MIDEAS: variants seen among roughly 807,000 people sequenced by gnomAD.
MIDEAS encodes the protein mitotic deacetylase-associated SANT domain protein.
A neutral mutation model predicts 102.7 loss-of-function variants in MIDEAS; 26 were observed. The observed-to-expected ratio is 0.25, with a 90% CI of 0.19 to 0.35. MIDEAS has a LOEUF of 0.35. MIDEAS is among the 10% of genes least tolerant of loss of function. MIDEAS has a pLI of 1.00. For synonymous variants in MIDEAS, 585 were observed against 591.0 expected, an observed-to-expected ratio of 0.99 and a Z score of 0.15; for missense variants, 1,231 against 1,435.6, an observed-to-expected ratio of 0.86 and a Z score of 2.30.
rs764287524 is a variant in MIDEAS, at chr14:73,719,448, G to A, written c.2991C>T (p.Ala997=). ...TTGGCTTCTCCGAGGCCTGGCCACC[G>A]GCAGACCCAGGGGCGTTGGACTCGT... ...RSHESNAPGS[A]GGQASEKPRE... Residue 997 remains alanine, a synonymous_variant, in exon 12 of 13, where the codon GCC becomes GCT. Coordinates refer to ENST00000423556, the MANE Select transcript of MIDEAS (RefSeq NM_001367710.1). 5 of 1,614,016 alleles carry A rather than the reference G, an allele frequency of 3.1e-6. No individual in the cohort carries two copies. The highest frequency in any genetic ancestry group is 1.7e-5 in the Admixed American group (1 of 60,008).
chr14:73,737,483 G>A (rs2053217908), intron 2 of MIDEAS, among the ~76,000 whole-genome samples, 186 bp from the exon 3 acceptor site: 1 of 152,094 alleles, frequency 6.6e-6, no homozygotes, highest in Admixed American at 6.6e-5. Flanking sequence ...AAAATTAGCT[G>A]GGCATGGTGG....
At chr14:73,789,465 C>T (rs537795521), upstream of MIDEAS, among the ~76,000 whole-genome samples, 26 of 152,300 alleles carry the variant, frequency 1.7e-4, 1 homozygote, top group South Asian at 4.1e-4. Flanking sequence ...GGGCCTCCCT[C>T]GGGCCCTTCA....
chr14:73,745,888 G>A (rs1244051430), intron 1 of MIDEAS, among the ~76,000 whole-genome samples: 2 of 152,162 alleles, frequency 1.3e-5, no homozygotes, highest in East Asian at 1.9e-4. Flanking sequence ...CCCTATGGTC[G>A]GCCCATTCCC....
rs140289130 is a variant in MIDEAS, at chr14:73,773,793, C to T, written c.-248+13309G>A. Among the ~76,000 whole-genome samples, 475 of 151,780 alleles carry T rather than the reference C, an allele frequency of 3.1e-3. 6 individuals are homozygous for T. Among genetic ancestry groups the T allele is most frequent in the African/African-American group, 0.011 (457 of 41,468 alleles). ...ATCTCAGCACTTTGGGAGGCTGAGGCGGGTGGATCACTTGAGGTCACGAGT... is the reference window on the plus strand; with the variant it reads ...ATCTCAGCACTTTGGGAGGCTGAGGTGGGTGGATCACTTGAGGTCACGAGT... On this transcript the variant is annotated intron_variant, in intron 1 of 11. Transcript: ENST00000394071.
At chr14:73,790,208 CT>C (rs1415571177), upstream of MIDEAS, 1 of 152,220 alleles carries the variant, frequency 6.6e-6, no homozygotes, top group Non-Finnish European at 1.5e-5. Context: ...AAATTATTTA[CT>C]TTTAAAATAT....
In MIDEAS at chr14:73,727,538, A is replaced by G. The variant is rs768822289; in HGVS notation, c.2096-14T>C. 8.1e-6 allele frequency: 13 copies of G among 1,596,630 alleles called. No homozygotes were observed. Among genetic ancestry groups the G allele is most frequent in the Admixed American group, 1.7e-5 (1 of 57,372 alleles). ...CTTCAGCACTGTCTATGGGACAAAGAGCAGGTTGATAAATAGCACCCCCCT... is the reference window on the plus strand; with the variant it reads ...CTTCAGCACTGTCTATGGGACAAAGGGCAGGTTGATAAATAGCACCCCCCT... On this transcript the variant is annotated splice_polypyrimidine_tract_variant and intron_variant, in intron 4 of 12. Transcript: ENST00000423556.
chr14:73,757,279 C>CAAAA (rs370387448), intron 1 of MIDEAS, among the ~76,000 whole-genome samples: 4 of 67,722 alleles, frequency 5.9e-5, no homozygotes, highest in Admixed American at 2.0e-4. Flanking sequence ...CTCTAACAAC[C>CAAAA]AAAAAAAAAA....
chr14:73,750,808 C>A (rs1403597715), intron 1 of MIDEAS, among the ~76,000 whole-genome samples: 3 of 152,226 alleles, frequency 2.0e-5, no homozygotes, highest in African/African-American at 7.2e-5. Context: ...ACTCCAATAA[C>A]AATGCTTCAT....
chr14:73,727,772 A>C (rs1595256918), intron 4 of MIDEAS: 1 of 480,364 alleles, frequency 2.1e-6, no homozygotes, highest in East Asian at 3.8e-5. Flanking sequence ...TCCTACGGTT[A>C]ATGTGAGAAC....
At chr14:73,726,492 C>G in intron 7 of MIDEAS, 112 bp downstream of exon 7, 1 of 1,039,214 alleles carries the variant, frequency 9.6e-7, no homozygotes, top group Non-Finnish European at 1.4e-6. Flanking sequence ...TAGTCAGACC[C>G]TCCTACTGGC....
At position 73,746,185 on chromosome 14, in the gene MIDEAS, C is replaced by T. The variant is rs141711920; in HGVS notation, c.-247-5930G>A. ...AGTCTTCTACCTTGATTGCCTCCCTCCCCCATAGCCCCACAAATGCCCACA... is the reference window on the plus strand; with the variant it reads ...AGTCTTCTACCTTGATTGCCTCCCTTCCCCATAGCCCCACAAATGCCCACA... On this transcript the variant is annotated intron_variant, in intron 1 of 12. Coordinates refer to ENST00000423556, the MANE Select transcript of MIDEAS (RefSeq NM_001367710.1). 1.7e-3 allele frequency among the ~76,000 whole-genome samples: 260 copies of T among 152,358 alleles called. 2 individuals are homozygous for T. Among genetic ancestry groups the T allele is most frequent in the Middle Eastern group, 6.8e-3 (2 of 294 alleles).
intron 1 of MIDEAS, among the ~76,000 whole-genome samples, chr14:73,769,080 A>G (rs1012931834): frequency 2.0e-5 from 3 of 152,160 alleles, no homozygotes; most frequent in Non-Finnish European, 4.4e-5. Context: ...TGCCCCCTCC[A>G]GCTCTAACAG....
Position 73,721,374 on chromosome 14 carries a change from C to G in MIDEAS, c.2860G>C (p.Glu954Gln). The change falls in exon 11 of 13, where the codon GAG (glutamate) becomes CAG (glutamine). Residue 954 changes from glutamate to glutamine, a missense_variant. Physicochemically the swap from Glu to Gln is conservative, Grantham distance 29 (BLOSUM62 2). This residue lies in a region of MIDEAS where 391 missense variants were observed against 483.0 expected (regional missense o/e 0.81). Coordinates refer to ENST00000423556, the MANE Select transcript of MIDEAS (RefSeq NM_001367710.1). ...CTGCGCTCTCGCCCCTCTTCCTGCT[C>G]CTCCTTCTCTTGGATCTCTGGCACC... ...EEVPEIQEKE[E>Q]QEEGRERSRR... The G allele has an allele frequency of 6.2e-7, 1 of 1,614,074 alleles. No homozygotes were observed. Among genetic ancestry groups the G allele is most frequent in the Non-Finnish European group, 8.5e-7 (1 of 1,179,962 alleles).
intron 1 of MIDEAS, among the ~76,000 whole-genome samples, chr14:73,745,432 C>A (rs990472285): frequency 5.9e-5 from 9 of 152,216 alleles, no homozygotes; most frequent in Admixed American, 5.2e-4. Flanking sequence ...TACCTCATGC[C>A]CTGACATGGC....
intron 1 of MIDEAS, among the ~76,000 whole-genome samples, chr14:73,769,891 T>A (rs897830262): frequency 6.8e-6 from 1 of 147,260 alleles, no homozygotes; most frequent in African/African-American, 2.5e-5. Context: ...TGAGCCACCG[T>A]GCCCGGCTGG....
At chr14:73,738,268 C>T (rs1317161112) in intron 2 of MIDEAS, among the ~76,000 whole-genome samples, 1 of 152,042 alleles carries the variant, frequency 6.6e-6, no homozygotes, top group East Asian at 1.9e-4. Flanking sequence ...TGGTGGCAGG[C>T]GCCTGTAATC....
intron 1 of MIDEAS, among the ~76,000 whole-genome samples, chr14:73,784,100 A>G (rs78078433): frequency 0.02 from 3,086 of 152,108 alleles, 102 homozygotes; most frequent in African/African-American, 0.071. Context: ...TACCTCCAAT[A>G]TTTTTTCCTC....
chr14:73,755,495 C>T (rs977186283), intron 1 of MIDEAS, among the ~76,000 whole-genome samples: 1 of 152,232 alleles, frequency 6.6e-6, no homozygotes, highest in Non-Finnish European at 1.5e-5. Context: ...GGTCACACTG[C>T]GAGGCTTCAG....
At chr14:73,720,409 A>G (rs948488450) in intron 11 of MIDEAS, among the ~76,000 whole-genome samples, 7 of 151,786 alleles carry the variant, frequency 4.6e-5, no homozygotes, top group African/African-American at 1.7e-4. Context: ...CACCATGCCC[A>G]GCTAGTTTTT....
Sources: gnomAD v4.1 joint callset for allele counts (sites outside exome capture counted in the v4.1 genomes callset) on GRCh38, gnomAD v4.1.1 for gene constraint, gnomAD v4.1.1 regional missense constraint, MANE v1.5 for transcripts, NCBI Gene and HGNC (gene_info 2026-07-23, HGNC 2026-07-21) for gene names.